Variants in BSPH1 observed in about 807,000 individuals in gnomAD.
BSPH1 encodes the protein binder of sperm protein homolog 1, also known as binder of sperm 1.
In BSPH1, 21 loss-of-function variants were observed where a neutral mutation model predicts 22.5. The observed-to-expected ratio is 0.93, with a 90% CI of 0.66 to 1.35. The LOEUF (loss-of-function observed/expected upper bound fraction) is 1.35, where lower values mean the gene tolerates loss of function less well. Ranked by LOEUF, BSPH1 falls within the 40% of genes most tolerant of loss-of-function variation. The probability of loss-of-function intolerance (pLI) is 0.00; values close to 1 mark genes in which losing one functional copy is unlikely to be tolerated. For missense variants in BSPH1, 141 were observed against 154.2 expected (o/e 0.91, Z 0.45); for synonymous variants, 42 against 53.6 (o/e 0.78, Z 0.95).
rs1162877914 is a variant in BSPH1, at chr19:47,969,684, G to GGGGAGAGAGA, written c.*3-1476_*3-1475insTCTCTCTCCC. Among the ~76,000 whole-genome samples, 197 of 113,862 alleles carry GGGGAGAGAGA rather than the reference G, an allele frequency of 1.7e-3. 3 individuals are homozygous for GGGGAGAGAGA. The highest frequency in any genetic ancestry group is 7.4e-3 in the South Asian group (22 of 2,988). 74.7% of individuals were successfully genotyped at this position (113,862 alleles called of 152,430 possible). A position where few individuals can be genotyped will look rare whatever the true frequency, so the allele number is the denominator to read the frequency against. ...CACTACCTGTAAGGCAGGGAGAGGG[G>GGGGAGAGAGA]GAGAGAGAGAGAGAGAGAGAGAGAG... On this transcript the variant is annotated intron_variant, in intron 5 of 5. Transcript: ENST00000344839.
chr19:47,979,704 G>A (rs1427941507), intron 2 of BSPH1, 105 bp from the exon 3 acceptor site: 1 of 523,024 alleles, frequency 1.9e-6, no homozygotes, highest in East Asian at 3.5e-5. Flanking sequence ...TTAGGAAAAA[G>A]TGATATTGTT....
At chr19:47,990,411 G>A (rs1240572100) in intron 1 of BSPH1, among the ~76,000 whole-genome samples, 4 of 151,938 alleles carry the variant, frequency 2.6e-5, no homozygotes, top group Non-Finnish European at 5.9e-5. Flanking sequence ...CTTTAGGATC[G>A]TCTTAATTTG....
At chr19:47,978,126 C>T (rs543217438) in intron 3 of BSPH1, among the ~76,000 whole-genome samples, 61 of 151,508 alleles carry the variant, frequency 4.0e-4, no homozygotes, top group Non-Finnish European at 8.4e-4. Context: ...CGACTTAACA[C>T]ATCACAGAAA....
At chr19:47,991,100 G>A (rs1180448098) in intron 1 of BSPH1, among the ~76,000 whole-genome samples, 1 of 152,104 alleles carries the variant, frequency 6.6e-6, no homozygotes, top group Non-Finnish European at 1.5e-5. Context: ...CCTCCATGGC[G>A]ACTGGGATTT....
At chr19:47,972,791 A>G (rs1195657337) in intron 5 of BSPH1, among the ~76,000 whole-genome samples, 1 of 152,096 alleles carries the variant, frequency 6.6e-6, no homozygotes, top group African/African-American at 2.4e-5. Flanking sequence ...AAAAAATTAA[A>G]AAATTCCCAG....
At chr19:47,975,903 C>T (rs975491884) in intron 5 of BSPH1, among the ~76,000 whole-genome samples, 2 of 152,198 alleles carry the variant, frequency 1.3e-5, no homozygotes, top group African/African-American at 2.4e-5. Context: ...GATCCACCCG[C>T]CTCGACCTCC....
intron 5 of BSPH1, among the ~76,000 whole-genome samples, chr19:47,973,448 A>G (rs1276035052): frequency 6.6e-6 from 1 of 151,962 alleles, no homozygotes; most frequent in East Asian, 1.9e-4. Context: ...TGGTCCTTCC[A>G]CCTCCATGGG....
intron 1 of BSPH1, among the ~76,000 whole-genome samples, chr19:47,990,118 C>CAATAA: frequency 1.0e-5 from 1 of 99,686 alleles, no homozygotes; most frequent in South Asian, 4.2e-4. Flanking sequence ...GACTCCATCT[C>CAATAA]AAAAAAAAAA....
rs1969375035 is a variant in BSPH1 at position 47,977,383 on chromosome 19, G to A, written c.246C>T (p.Cys82=). Residue 82 remains cysteine (C), a synonymous_variant, in exon 4 of 6, where the codon TGC becomes TGT. Transcript: ENST00000344839. ...AGACAGGACACTCACCTTCTGCACT[G>A]CAAAACTTCCAGTATCCTTCGTAGG... ...NKTYEGYWKF[C]SAEDFANCVF... 1.9e-6 allele frequency: 3 copies of A among 1,552,054 alleles called. No individual in the cohort carries two copies. Among genetic ancestry groups the A allele is most frequent in the Admixed American group, 3.9e-5 (2 of 50,990 alleles).
chr19:47,977,571 T>A, intron 3 of BSPH1, 67 bp from the exon 4 acceptor site: 1 of 1,528,028 alleles, frequency 6.5e-7, no homozygotes, highest in Non-Finnish European at 8.8e-7. Flanking sequence ...AGCGACTGTC[T>A]TCCTAGGCGC....
chr19:47,986,442 C>T (rs1471747871), intron 1 of BSPH1, among the ~76,000 whole-genome samples: 1 of 152,076 alleles, frequency 6.6e-6, no homozygotes, highest in South Asian at 2.1e-4. Flanking sequence ...TGGTTTTGTG[C>T]TGTAGAATTT....
chr19:47,987,889 G>C (rs968928158), intron 1 of BSPH1, among the ~76,000 whole-genome samples: 1 of 152,094 alleles, frequency 6.6e-6, no homozygotes, highest in Non-Finnish European at 1.5e-5. Context: ...CGTACTGGGA[G>C]GCTGAGTTGG....
At chr19:47,969,684 G>A (rs867693795) in intron 5 of BSPH1, among the ~76,000 whole-genome samples, 3 of 113,854 alleles carry the variant, frequency 2.6e-5, no homozygotes, top group Admixed American at 9.1e-5. Flanking sequence ...AGGGAGAGGG[G>A]GAGAGAGAGA....
intron 5 of BSPH1, 76 bp downstream of exon 5, chr19:47,976,634 C>T: frequency 8.9e-7 from 1 of 1,121,986 alleles, no homozygotes; most frequent in Admixed American, 2.4e-5. Flanking sequence ...GGGTTCTCCT[C>T]TGCCAACAAA....
chr19:47,986,896 A>G (rs1969476149), intron 1 of BSPH1, among the ~76,000 whole-genome samples: 1 of 152,244 alleles, frequency 6.6e-6, no homozygotes, highest in Non-Finnish European at 1.5e-5. Flanking sequence ...GCTCAGAGGC[A>G]GAAACTATTC....
chr19:47,970,255 C>T (rs1969300245), intron 5 of BSPH1, among the ~76,000 whole-genome samples: 1 of 152,066 alleles, frequency 6.6e-6, no homozygotes, highest in Non-Finnish European at 1.5e-5. Flanking sequence ...GACTGGGCTT[C>T]ACCATGTTGT....
chr19:47,986,694 G>A (rs553628973), intron 1 of BSPH1, among the ~76,000 whole-genome samples: 5 of 151,824 alleles, frequency 3.3e-5, no homozygotes, highest in East Asian at 3.9e-4. Flanking sequence ...GCAGTGAGCC[G>A]TGATTGTGCC....
At chr19:47,973,398 C>A (rs533753721) in intron 5 of BSPH1, among the ~76,000 whole-genome samples, 6 of 152,114 alleles carry the variant, frequency 3.9e-5, no homozygotes, top group African/African-American at 1.4e-4. Context: ...ATCACCAGCA[C>A]GCTCAATTAA....
intron 3 of BSPH1, among the ~76,000 whole-genome samples, chr19:47,979,169 CCCT>C (rs957836347): frequency 4.0e-5 from 6 of 151,766 alleles, no homozygotes; most frequent in African/African-American, 9.7e-5. Flanking sequence ...CTTCCTTCCT[CCCT>C]CCTCCTCCTC....
Sources: gnomAD v4.1 joint callset for allele counts (sites outside exome capture counted in the v4.1 genomes callset) on GRCh38, gnomAD v4.1.1 for gene constraint, MANE v1.5 for transcripts, NCBI Gene and HGNC (gene_info 2026-07-23, HGNC 2026-07-21) for gene names.